The following SMIM29 variants were observed in gnomAD, a reference collection of about 807,000 sequenced individuals.
SMIM29 encodes uncharacterized protein C6orf1.
A neutral mutation model predicts 12.9 loss-of-function variants in SMIM29; 4 were observed. The ratio of observed to expected loss-of-function variants is 0.31; its 90% CI spans 0.15 to 0.71. The LOEUF (loss-of-function observed/expected upper bound fraction) is 0.71, where lower values mean the gene tolerates loss of function less well. Among genes scored for constraint, SMIM29 ranks in the 30% least tolerant of loss-of-function variants. The pLI, the probability that SMIM29 is intolerant of heterozygous loss-of-function variation, is 0.70. For missense variants in SMIM29, 122 were observed against 138.1 expected (o/e 0.88, Z 0.58); for synonymous variants, 50 against 52.0 (o/e 0.96, Z 0.17).
Position 34,246,789 on chromosome 6 carries a change from G to A in SMIM29, c.*14C>T. 1 of 1,613,232 alleles carries A rather than the reference G, an allele frequency of 6.2e-7. No individual in the cohort carries two copies. Among genetic ancestry groups the A allele is most frequent in the Non-Finnish European group, 8.5e-7 (1 of 1,180,006 alleles). On this transcript the variant is annotated 3_prime_UTR_variant, in exon 5 of 5. Coordinates refer to ENST00000476320, the MANE Select transcript of SMIM29 (RefSeq NM_001008703.4). ...AGGACCCCAGGCTCTGAAGGGTGGG[G>A]CAAGGGGGTCAGGTCACGTCTTGAC...
Position 34,246,459 on chromosome 6 carries a change from G to T in SMIM29, c.*344C>A. 6.6e-7 allele frequency: 1 copy of T among 1,510,344 alleles called. No individual in the cohort carries two copies. 93.6% of individuals were successfully genotyped at this position (1,510,344 alleles called of 1,614,324 possible). ...ACTATACATCTGGCCCCATCACCAT[G>T]GAAACAACTCCAAAGCCTGCCTGGG... On this transcript the variant is annotated 3_prime_UTR_variant, in exon 5 of 5. Coordinates refer to ENST00000476320, the MANE Select transcript of SMIM29 (RefSeq NM_001008703.4).
intron 1 of SMIM29, chr6:34,248,247 A>G: frequency 1.0e-6 from 1 of 985,476 alleles, no homozygotes; most frequent in Non-Finnish European, 1.2e-6. Flanking sequence ...CAAAATGGAT[A>G]AATGAGGTCT....
rs1056542161 is a variant in SMIM29, at chr6:34,248,677, G to A, written c.-74+302C>T. 1.0e-5 allele frequency: 10 copies of A among 985,460 alleles called. No homozygotes were observed. In the African/African-American group the frequency reaches 1.4e-4, roughly 14 times the overall value. 61.0% of individuals were successfully genotyped at this position (985,460 alleles called of 1,614,324 possible). ...GTCTCTATCAGAGGGCAAGGTATGA[G>A]CGACCTACCCCCGTGTCCGTAGGGC... On this transcript the variant is annotated intron_variant, in intron 1 of 4. Coordinates refer to ENST00000476320, the MANE Select transcript of SMIM29 (RefSeq NM_001008703.4).
intron 1 of SMIM29, chr6:34,248,425 G>A (rs905332050): frequency 2.0e-6 from 2 of 985,024 alleles, no homozygotes; most frequent in African/African-American, 3.5e-5. Flanking sequence ...TCCCCCATCT[G>A]TCTCGTGTGC....
chr6:34,246,717 A>T lies in SMIM29; in HGVS notation c.*86T>A. 1 of 1,613,608 alleles carries T rather than the reference A, an allele frequency of 6.2e-7. No individual in the cohort carries two copies. The highest frequency in any genetic ancestry group is 8.5e-7 in the Non-Finnish European group (1 of 1,179,812). The stretch of plus-strand genomic sequence containing the variant: ...TGGAGACCCAGCACCCAGCAGGGGG[A>T]GCCAGGTGACAGCAGGGGAAGCAGA... On this transcript the variant is annotated 3_prime_UTR_variant, in exon 5 of 5. Coordinates refer to ENST00000476320, the MANE Select transcript of SMIM29 (RefSeq NM_001008703.4).
At position 34,246,716 on chromosome 6, in the gene SMIM29, GAGCCAGGTGACAGCAGGGGA is replaced by G; in HGVS notation, c.*67_*86del. The G allele has an allele frequency of 1.2e-6, 2 of 1,613,758 alleles. No individual in the cohort carries two copies. The highest frequency in any genetic ancestry group is 1.7e-6 in the Non-Finnish European group (2 of 1,179,868). ...ATGGAGACCCAGCACCCAGCAGGGGGAGCCAGGTGACAGCAGGGGAAGCAGATGGCAGGGCCCCAGGCAGT... is the reference window on the plus strand; with the variant it reads ...ATGGAGACCCAGCACCCAGCAGGGGGAGCAGATGGCAGGGCCCCAGGCAGT... On this transcript the variant is annotated 3_prime_UTR_variant, in exon 5 of 5. Transcript: ENST00000476320.
At chr6:34,246,981 A>G (rs1762811711) in intron 4 of SMIM29, 63 bp downstream of exon 4, 10 of 1,611,890 alleles carry the variant, frequency 6.2e-6, no homozygotes, top group Non-Finnish European at 8.5e-6. Flanking sequence ...GTGGACGAGT[A>G]TGGCTGGGAA....
In SMIM29 at chr6:34,247,847, G is replaced by T; in HGVS notation, c.-56C>A. 7.9e-7 allele frequency: 1 copy of T among 1,260,942 alleles called. No homozygotes were observed. Among genetic ancestry groups the T allele is most frequent in the Non-Finnish European group, 9.9e-7 (1 of 1,006,042 alleles). The allele number at this position is 1,260,942 out of a possible 1,614,324, so 78.1% of individuals were successfully genotyped here. A position where few individuals can be genotyped will look rare whatever the true frequency, so the allele number is the denominator to read the frequency against. ...GCATGGGCAGTGGCGCTTCGGGAGG[G>T]CGCCTCCACTGGGCTCCCTGGGAAG... is the stretch of plus-strand genomic sequence containing the variant. On this transcript the variant is annotated 5_prime_UTR_variant, in exon 2 of 5. Coordinates refer to ENST00000476320, the MANE Select transcript of SMIM29 (RefSeq NM_001008703.4).
At chr6:34,248,880 G>C in intron 1 of SMIM29, 99 bp downstream of exon 1, 1 of 985,674 alleles carries the variant, frequency 1.0e-6, no homozygotes, top group Non-Finnish European at 1.2e-6. Flanking sequence ...TGGGGGATGC[G>C]GATGGGCCGC....
intron 1 of SMIM29, chr6:34,248,344 G>A (rs1762889770): frequency 1.0e-6 from 1 of 985,346 alleles, no homozygotes; most frequent in Non-Finnish European, 1.2e-6. Flanking sequence ...CACTTCAAGC[G>A]ATGGGCTCCA....
In SMIM29 at chr6:34,247,687, C is replaced by T; in HGVS notation, c.105G>A (p.Val35=). ...FFLITLVGVV[V]AVVMYVQKKK... is the part of the protein sequence containing the mutation. ...GTATATGAGGGCTCCTTACCACAGC[C>T]ACCACCACCCCGACCAGGGTGATGA... The change falls in exon 2 of 5, where the codon GTG becomes GTA. Residue 35 remains valine (V), a synonymous_variant. Transcript: ENST00000476320. 1.4e-6 allele frequency: 2 copies of T among 1,406,132 alleles called. No homozygotes were observed. Among genetic ancestry groups the T allele is most frequent in the Non-Finnish European group, 1.8e-6 (2 of 1,086,990 alleles). 87.1% of individuals were successfully genotyped at this position (1,406,132 alleles called of 1,614,324 possible). A position where few individuals can be genotyped will look rare whatever the true frequency, so the allele number is the denominator to read the frequency against.
chr6:34,248,319 A>C (rs528066719), intron 1 of SMIM29: 1 of 985,460 alleles, frequency 1.0e-6, no homozygotes, highest in East Asian at 1.1e-4. Context: ...GCCCGCTTCC[A>C]TCCTGGTCCA....
intron 1 of SMIM29, chr6:34,248,424 T>A: frequency 2.0e-6 from 2 of 985,362 alleles, no homozygotes; most frequent in Non-Finnish European, 2.4e-6. Context: ...CTCCCCCATC[T>A]GTCTCGTGTG....
In SMIM29 at chr6:34,247,047, G is replaced by C; in HGVS notation, c.240C>G (p.Pro80=). 2 of 1,614,086 alleles carry C rather than the reference G, an allele frequency of 1.2e-6. No homozygotes were observed. The highest frequency in any genetic ancestry group is 1.7e-6 in the Non-Finnish European group (2 of 1,180,030). Residue 80 remains proline (P), a synonymous_variant, in exon 4 of 5, where the codon CCC becomes CCG. Coordinates refer to ENST00000476320, the MANE Select transcript of SMIM29 (RefSeq NM_001008703.4). Reference sequence around the variant, plus strand: ...CCCCTGGCCCCCAAGTGCTCACCTTGGGGTCTCCCATGTCAGAGAGCAGCT... The same window carrying C: ...CCCCTGGCCCCCAAGTGCTCACCTTCGGGTCTCCCATGTCAGAGAGCAGCT... ...EQELLSDMGD[P]KVVHGWQSGY... is the part of the protein sequence containing the mutation.
rs1561882177 is a variant in SMIM29, at chr6:34,246,446, GC to G, written c.*356del. The G allele has an allele frequency of 1.2e-5, 17 of 1,472,548 alleles. No individual in the cohort carries two copies. Among genetic ancestry groups the G allele is most frequent in the East Asian group, 9.2e-5 (4 of 43,554 alleles). 91.2% of individuals were successfully genotyped at this position (1,472,548 alleles called of 1,614,324 possible). A position where few individuals can be genotyped will look rare whatever the true frequency, so the allele number is the denominator to read the frequency against. The stretch of plus-strand genomic sequence containing the variant: ...ATATATACTGAATACTATACATCTG[GC>G]CCCATCACCATGGAAACAACTCCAA... On this transcript the variant is annotated 3_prime_UTR_variant, in exon 5 of 5. Transcript: ENST00000476320.
intron 1 of SMIM29, 85 bp downstream of exon 1, chr6:34,248,894 G>T: frequency 1.0e-6 from 1 of 985,648 alleles, no homozygotes; most frequent in Non-Finnish European, 1.2e-6. Flanking sequence ...GGGCCGCCCC[G>T]CGCCCGAACA....
At chr6:34,248,295 G>A in intron 1 of SMIM29, 2 of 985,444 alleles carry the variant, frequency 2.0e-6, no homozygotes, top group Non-Finnish European at 2.4e-6. Flanking sequence ...GGTGAGATGG[G>A]AGCATCTGAA....
At chr6:34,248,047 G>C in intron 1 of SMIM29, 183 bp from the exon 2 acceptor site, 1 of 985,450 alleles carries the variant, frequency 1.0e-6, no homozygotes, top group Non-Finnish European at 1.2e-6. Flanking sequence ...GCAGGAAAGG[G>C]GATCAAGGGA....
chr6:34,247,513 T>G, intron 2 of SMIM29, 21 bp from the exon 3 acceptor site: 1 of 1,566,750 alleles, frequency 6.4e-7, no homozygotes, highest in Non-Finnish European at 8.7e-7. Context: ...GACACAGCAC[T>G]GTGGGGGCTG....
Sources: gnomAD v4.1 joint callset for allele counts on GRCh38, gnomAD v4.1.1 for gene constraint, MANE v1.5 for transcripts, NCBI Gene and HGNC (gene_info 2026-07-23, HGNC 2026-07-21) for gene names.